The following GLYAT variants were observed in gnomAD, a reference collection of about 807,000 sequenced individuals.
GLYAT encodes glycine N-acyltransferase.
A neutral mutation model predicts 22.8 loss-of-function variants in GLYAT; 25 were observed. The ratio of observed to expected loss-of-function variants is 1.09; its 90% confidence interval spans 0.80 to 1.53. The LOEUF (loss-of-function observed/expected upper bound fraction) is 1.53, where lower values mean the gene tolerates loss of function less well. GLYAT is among the 40% of genes most tolerant of loss of function. The pLI, the probability that GLYAT is intolerant of heterozygous loss-of-function variation, is 0.00. For missense variants in GLYAT, 411 were observed against 353.9 expected, an observed-to-expected ratio of 1.16 and a Z score of -1.29; for synonymous variants, 140 against 122.7, an observed-to-expected ratio of 1.14 and a Z score of -0.93.
At chr11:58,730,937 T>C (rs1328071452) in intron 1 of GLYAT, among the ~76,000 whole-genome samples, 4 of 152,102 alleles carry the variant, frequency 2.6e-5, no homozygotes, top group Non-Finnish European at 4.4e-5. Flanking sequence ...TAATATATAA[T>C]ATGTATAGAC....
Position 58,721,146 on chromosome 11 carries a change from C to T in GLYAT, c.81+3270G>A, listed in dbSNP as rs142951797. Among the ~76,000 whole-genome samples the T allele has an allele frequency of 7.4e-3, 1,121 of 151,832 alleles. 10 individuals are homozygous for T. The highest frequency in any genetic ancestry group is 0.026 in the African/African-American group (1,061 of 41,456). On this transcript the variant is annotated intron_variant, in intron 2 of 5. Coordinates refer to ENST00000344743, the MANE Select transcript of GLYAT (RefSeq NM_201648.3). ...ACATTTTATAGATTTATAAAGATCA[C>T]CCCACTTTTTTTTTCTATCTTAGAA...
intron 1 of GLYAT, among the ~76,000 whole-genome samples, chr11:58,726,753 A>G (rs1474303348): frequency 1.3e-5 from 2 of 152,120 alleles, no homozygotes; most frequent in East Asian, 1.9e-4. Context: ...GTCTTGCAGC[A>G]TATTGAAAAG....
At chr11:58,731,759 T>C (rs1398847006) in intron 1 of GLYAT, 76 bp downstream of exon 1, 3 of 152,158 alleles carry the variant, frequency 2.0e-5, no homozygotes, top group Non-Finnish European at 2.9e-5. Context: ...TTCTATTAAC[T>C]ATAGTTCTCA....
At chr11:58,723,889 C>T (rs1272251551) in intron 2 of GLYAT, among the ~76,000 whole-genome samples, 3 of 151,920 alleles carry the variant, frequency 2.0e-5, no homozygotes, top group Admixed American at 6.6e-5. Context: ...TAAAGTAACT[C>T]GACCTGCCTT....
At chr11:58,711,854 A>G (rs1242855546) in intron 4 of GLYAT, among the ~76,000 whole-genome samples, 1 of 152,228 alleles carries the variant, frequency 6.6e-6, no homozygotes, top group East Asian at 1.9e-4. Flanking sequence ...TGCCTGCCCC[A>G]TTGGGGCTTT....
intron 1 of GLYAT, among the ~76,000 whole-genome samples, chr11:58,725,731 C>T (rs547178): frequency 0.74 from 111,422 of 151,584 alleles, 41,537 homozygotes; most frequent in Middle Eastern, 0.9. Context: ...GCCAAGTGGG[C>T]GACCTGAGAG....
chr11:58,728,901 G>A (rs200390809), intron 1 of GLYAT, among the ~76,000 whole-genome samples: 3,993 of 73,294 alleles, frequency 0.054, 65 homozygotes, highest in Middle Eastern at 0.088. Context: ...AAGGAAGGAA[G>A]GAAGGAAGGA....
At chr11:58,710,213 T>A in intron 5 of GLYAT, 45 bp from the exon 6 acceptor site, 2 of 1,555,674 alleles carry the variant, frequency 1.3e-6, no homozygotes, top group Non-Finnish European at 1.7e-6. Flanking sequence ...AGTATAAAGG[T>A]TTGTATTTGC....
At chr11:58,715,166 T>C in intron 3 of GLYAT, 150 bp downstream of exon 3, 1 of 553,064 alleles carries the variant, frequency 1.8e-6, no homozygotes, top group East Asian at 2.9e-5. Context: ...ATCTATCTTG[T>C]CTTTCAGACT....
At position 58,710,600 on chromosome 11, in the gene GLYAT, G is replaced by T; in HGVS notation, c.478C>A (p.Pro160Thr). Residue 160 changes from proline (P) to threonine (T), a missense_variant, in exon 5 of 6, where the codon CCC becomes ACC. Coordinates refer to ENST00000344743, the MANE Select transcript of GLYAT (RefSeq NM_201648.3). ...TTTTATCAAACTCACATGGCCTTGG[G>T]TTTGCCACCATTGGGAGATAAAATC... ...SKILSPNGGK[P>T]KAINQEMFKL... The T allele has an allele frequency of 6.2e-7, 1 of 1,601,356 alleles. No individual in the cohort carries two copies.
At chr11:58,728,851 G>GAAGAAAGAAAAGA (rs1856837203) in intron 1 of GLYAT, 1 of 90,656 alleles carries the variant, frequency 1.1e-5, no homozygotes, top group Non-Finnish European at 2.3e-5. Flanking sequence ...AGGAAAGAAA[G>GAAGAAAGAAAAGA]AAGAAAGAAA....
intron 2 of GLYAT, among the ~76,000 whole-genome samples, chr11:58,718,207 A>C (rs1047350657): frequency 6.6e-6 from 1 of 152,118 alleles, no homozygotes; most frequent in Non-Finnish European, 1.5e-5. Context: ...TATTGCACTT[A>C]TGCAAATAAA....
chr11:58,710,274 G>T lies in GLYAT; in HGVS notation c.489-106C>A, dbSNP rs537474337. ...AGAGTAGACAGAAGAAATAACAAAT[G>T]TGAAGTCCTGGAATATAGATGAGCT... On this transcript the variant is annotated intron_variant, in intron 5 of 5. Transcript: ENST00000344743. 2.0e-3 allele frequency: 2,952 copies of T among 1,458,386 alleles called. 10 individuals carry two copies. The highest frequency in any genetic ancestry group is 5.7e-3 in the Middle Eastern group (30 of 5,284). The allele number at this position is 1,458,386 out of a possible 1,614,324, so 90.3% of individuals were successfully genotyped here.
intron 2 of GLYAT, among the ~76,000 whole-genome samples, chr11:58,721,824 G>C (rs546000336): frequency 6.6e-6 from 1 of 151,454 alleles, no homozygotes; most frequent in South Asian, 2.1e-4. Flanking sequence ...TCTTTTGCTA[G>C]CCATTTTCCT....
At chr11:58,710,357 G>T (rs1856598514) in intron 5 of GLYAT, 189 bp from the exon 6 acceptor site, 5 of 974,374 alleles carry the variant, frequency 5.1e-6, no homozygotes, top group Non-Finnish European at 7.4e-6. Context: ...AAGCAGGAAG[G>T]GCAATAAAGG....
chr11:58,725,592 C>T (rs1856803311), intron 1 of GLYAT, among the ~76,000 whole-genome samples: 1 of 152,084 alleles, frequency 6.6e-6, no homozygotes, highest in Non-Finnish European at 1.5e-5. Flanking sequence ...CTTGCCTCCT[C>T]AACAGAAAGA....
intron 2 of GLYAT, among the ~76,000 whole-genome samples, chr11:58,719,055 G>T (rs1400723235): frequency 1.3e-5 from 2 of 151,836 alleles, no homozygotes; most frequent in Non-Finnish European, 2.9e-5. Context: ...TGTCATTTTT[G>T]TACTTAGGGG....
At chr11:58,723,254 AT>A (rs1856773986) in intron 2 of GLYAT, among the ~76,000 whole-genome samples, 1 of 152,054 alleles carries the variant, frequency 6.6e-6, no homozygotes, top group Non-Finnish European at 1.5e-5. Flanking sequence ...TCCAAAAAAA[AT>A]GTTCTGTCTC....
At chr11:58,712,708 C>T in intron 4 of GLYAT, 52 bp downstream of exon 4, 2 of 1,550,750 alleles carry the variant, frequency 1.3e-6, no homozygotes, top group Non-Finnish European at 1.8e-6. Context: ...CATATGAAAA[C>T]TTGCTCAGGA....
Sources: gnomAD v4.1 joint callset for allele counts (sites outside exome capture counted in the v4.1 genomes callset) on GRCh38, gnomAD v4.1.1 for gene constraint, MANE v1.5 for transcripts, NCBI Gene and HGNC (gene_info 2026-07-23, HGNC 2026-07-21) for gene names.